Variants in SLC25A14 observed in about 807,000 individuals in gnomAD.
SLC25A14 encodes brain mitochondrial carrier protein 1.
In SLC25A14, 8 loss-of-function variants were observed where a neutral mutation model predicts 28.1. That is an observed-to-expected ratio of 0.28 (90% confidence interval 0.17 to 0.51). The LOEUF (loss-of-function observed/expected upper bound fraction) is 0.51. SLC25A14 is among the 20% of genes least tolerant of loss of function. The pLI is 0.97. For synonymous variants in SLC25A14, 74 were observed against 90.6 expected, an observed-to-expected ratio of 0.82 and a Z score of 1.04; for missense variants, 135 against 263.8, an observed-to-expected ratio of 0.51 and a Z score of 3.38.
chrX:130,369,079 C>G (rs753195934), intron 9 of SLC25A14, among the ~76,000 whole-genome samples: 2 of 111,972 alleles, frequency 1.8e-5, no homozygotes, highest in South Asian at 7.5e-4. Context: ...TGCCTTATGC[C>G]AAAAGATGCC....
intron 9 of SLC25A14, among the ~76,000 whole-genome samples, chrX:130,367,013 C>T (rs770584746): frequency 9.8e-5 from 11 of 112,448 alleles, no homozygotes; most frequent in Non-Finnish European, 1.5e-4. Context: ...ACCTGGAGGG[C>T]TTGTTAAACT....
At chrX:130,354,411 C>G (rs370737153) in intron 6 of SLC25A14, among the ~76,000 whole-genome samples, 1 of 112,336 alleles carries the variant, frequency 8.9e-6, no homozygotes, top group East Asian at 2.8e-4. Flanking sequence ...CCGTGCCCGA[C>G]CGCCTTTTTC....
At chrX:130,362,409 A>C (rs2033999491) in intron 7 of SLC25A14, among the ~76,000 whole-genome samples, 1 of 110,615 alleles carries the variant, frequency 9.0e-6, no homozygotes, top group African/African-American at 3.3e-5. Context: ...TTTTTAATAT[A>C]GTGGTTATCC....
intron 3 of SLC25A14, among the ~76,000 whole-genome samples, chrX:130,345,571 A>G (rs2033408855): frequency 9.0e-6 from 1 of 111,628 alleles, no homozygotes; most frequent in East Asian, 2.8e-4. Flanking sequence ...GGTTTTTGCT[A>G]TATTTCTGTA....
chrX:130,343,538 C>T (rs959675616), intron 2 of SLC25A14, among the ~76,000 whole-genome samples: 2 of 111,471 alleles, frequency 1.8e-5, no homozygotes, highest in African/African-American at 6.5e-5. Context: ...ATTTTTGTGG[C>T]CTGTAACTAA....
At chrX:130,365,803 C>T in intron 9 of SLC25A14, 127 bp downstream of exon 9, 2 of 498,573 alleles carry the variant, frequency 4.0e-6, no homozygotes, top group South Asian at 8.4e-5. Flanking sequence ...TTAGTAGCTT[C>T]TCAGTTATTC....
Position 130,373,109 on chromosome X carries a change from T to G in SLC25A14, c.*159T>G. 2.3e-6 allele frequency: 1 copy of G among 429,750 alleles called. No homozygotes were observed. Among genetic ancestry groups the G allele is most frequent in the Non-Finnish European group, 4.0e-6 (1 of 247,230 alleles). 35.4% of individuals were successfully genotyped at this position (429,750 alleles called of 1,213,427 possible). The stretch of plus-strand genomic sequence containing the variant: ...AACAGTGGGGTGGTTCAAAGTTATT[T>G]CTATGTTTGTGTTACCATGTTAACT... On this transcript the variant is annotated 3_prime_UTR_variant, in exon 11 of 11. Transcript: ENST00000545805.
intron 7 of SLC25A14, among the ~76,000 whole-genome samples, chrX:130,363,700 CCA>C (rs2034038540): frequency 8.9e-6 from 1 of 111,734 alleles, no homozygotes; most frequent in African/African-American, 3.3e-5. Context: ...CACATCCTCA[CCA>C]ACACTTGCTC....
chrX:130,365,609 T>C lies in SLC25A14; in HGVS notation c.788T>C (p.Met263Thr). The change falls in exon 9 of 11, where the codon ATG (methionine) becomes ACG (threonine). Residue 263 changes from methionine (M) to threonine (T), a missense_variant. Transcript: ENST00000545805. ...CCGGTTGATGTGGTTCGAACTCGCA[T>C]GATGAACCAGAGGGCAATCGTGGGA... ...SNPVDVVRTR[M>T]MNQRAIVGHV... The C allele has an allele frequency of 8.3e-7, 1 of 1,211,676 alleles. No individual in the cohort carries two copies. The highest frequency in any genetic ancestry group is 1.1e-6 in the Non-Finnish European group (1 of 895,276).
intron 3 of SLC25A14, 121 bp from the exon 4 acceptor site, chrX:130,346,423 C>T (rs2033440149): frequency 1.8e-6 from 1 of 557,106 alleles, no homozygotes; most frequent in African/African-American, 2.3e-5. Context: ...TACTAGAGCT[C>T]TTCTATGTGT....
chrX:130,364,524 C>T (rs1446506119), intron 7 of SLC25A14, 104 bp from the exon 8 acceptor site: 1 of 523,259 alleles, frequency 1.9e-6, no homozygotes, highest in African/African-American at 2.4e-5. Flanking sequence ...GTACTTCAGA[C>T]TTGTATTTTT....
intron 2 of SLC25A14, among the ~76,000 whole-genome samples, chrX:130,344,674 T>C (rs1321204906): frequency 9.0e-6 from 1 of 111,565 alleles, no homozygotes; most frequent in East Asian, 2.8e-4. Context: ...GGGGACAAAG[T>C]TATATATAGC....
Position 130,340,217 on chromosome X carries a change from T to C in SLC25A14, c.-62T>C. The C allele has an allele frequency of 8.3e-7, 1 of 1,204,581 alleles. No homozygotes were observed. Among genetic ancestry groups the C allele is most frequent in the Admixed American group, 2.2e-5 (1 of 45,263 alleles). On this transcript the variant is annotated 5_prime_UTR_variant, in exon 2 of 11. Transcript: ENST00000545805. ...GGCCGCCTTCTTCAGGCGCCTCCCT[T>C]CTCTCCACGAGCTCGCTCTGACAGC... is the stretch of plus-strand genomic sequence containing the variant.
intron 2 of SLC25A14, among the ~76,000 whole-genome samples, chrX:130,343,481 A>G (rs1000275855): frequency 4.2e-4 from 47 of 112,008 alleles, no homozygotes; most frequent in African/African-American, 1.5e-3. Flanking sequence ...AGGGCTATCT[A>G]TCCCAGACTC....
At position 130,372,951 on chromosome X, in the gene SLC25A14, G is replaced by A. The variant is rs1328203931; in HGVS notation, c.*1G>A. The A allele has an allele frequency of 8.5e-7, 1 of 1,174,445 alleles. No individual in the cohort carries two copies. The highest frequency in any genetic ancestry group is 1.2e-6 in the Non-Finnish European group (1 of 865,136). On this transcript the variant is annotated 3_prime_UTR_variant, in exon 11 of 11. Transcript: ENST00000545805. ...GCAGCTAAAGAGGCTTCAAATCTAA[G>A]AACTGAATTATATGTGAGCCCAGCC...
intron 6 of SLC25A14, among the ~76,000 whole-genome samples, chrX:130,354,067 C>A (rs1332623033): frequency 9.2e-6 from 1 of 109,163 alleles, no homozygotes; most frequent in African/African-American, 3.3e-5. Context: ...TTCTCCTCTT[C>A]AGTCTCTCCT....
At chrX:130,359,307 C>T (rs186705057) in intron 7 of SLC25A14, among the ~76,000 whole-genome samples, 31 of 89,797 alleles carry the variant, frequency 3.5e-4, no homozygotes, top group African/African-American at 1.2e-3. Flanking sequence ...GAGCCAAGAT[C>T]ATGCCACTGC....
chrX:130,353,278 T>C (rs991446675), intron 6 of SLC25A14, among the ~76,000 whole-genome samples: 9 of 111,978 alleles, frequency 8.0e-5, no homozygotes, highest in Admixed American at 5.7e-4. Flanking sequence ...CCACCTCCTA[T>C]GGCCTGGCCT....
intron 6 of SLC25A14, among the ~76,000 whole-genome samples, chrX:130,358,122 G>GT (rs941526640): frequency 9.0e-6 from 1 of 111,563 alleles, no homozygotes. Flanking sequence ...AAGTTTACAT[G>GT]TTTTTTATAA....
Sources: allele counts gnomAD v4.1 joint callset (sites outside exome capture counted in the v4.1 genomes callset), GRCh38; gene constraint gnomAD v4.1.1; transcripts MANE v1.5; gene names NCBI Gene and HGNC (gene_info 2026-07-23, HGNC 2026-07-21).